COQ8B: variants seen among roughly 807,000 people sequenced by gnomAD.
COQ8B encodes atypical kinase COQ8B, mitochondrial.
A neutral mutation model predicts 62.0 loss-of-function variants in COQ8B; 44 were observed. The observed-to-expected ratio is 0.71, with a 90% CI of 0.56 to 0.91. COQ8B has a LOEUF of 0.91. Ranked by LOEUF, COQ8B falls within the 40% of genes least tolerant of loss-of-function variation. The pLI, the probability that COQ8B is intolerant of heterozygous loss-of-function variation, is 0.00. For missense variants in COQ8B, 649 were observed against 731.6 expected (o/e 0.89, Z 1.30); for synonymous variants, 252 against 289.9 (o/e 0.87, Z 1.33).
At chr19:40,700,217 T>C (rs1321445008) in intron 11 of COQ8B, 43 bp from the exon 12 acceptor site, 3 of 1,613,460 alleles carry the variant, frequency 1.9e-6, no homozygotes, top group African/African-American at 1.3e-5. Context: ...GTGATCTCCC[T>C]TGTGGTGCCA....
intron 4 of COQ8B, among the ~76,000 whole-genome samples, chr19:40,711,717 T>C (rs564886392): frequency 2.6e-5 from 4 of 152,228 alleles, no homozygotes; most frequent in Non-Finnish European, 5.9e-5. Flanking sequence ...CTCTGTCAAT[T>C]ACCATATCTG....
rs1413757922 is a variant in COQ8B at position 40,714,048 on chromosome 19, C to T, written c.289+19G>A. The T allele has an allele frequency of 7.4e-6, 12 of 1,613,918 alleles. 1 individual carries two copies. In the Middle Eastern group the frequency reaches 6.6e-4, roughly 89 times the overall value. ...TTTCTAATTGAGGTCACACCAAGAT[C>T]CCCCAAAGTCACACCTACCCCCAAA... is the stretch of plus-strand genomic sequence containing the variant. On this transcript the variant is annotated intron_variant, in intron 4 of 14. Transcript: ENST00000324464.
chr19:40,694,480 C>T (rs181552262), intron 13 of COQ8B, among the ~76,000 whole-genome samples: 77 of 152,348 alleles, frequency 5.1e-4, no homozygotes, highest in African/African-American at 1.8e-3. Context: ...TGCTGCCCCC[C>T]GACCTGCCCT....
chr19:40,702,729 G>A (rs763442654), intron 9 of COQ8B, 36 bp from the exon 10 acceptor site: 16 of 1,592,238 alleles, frequency 1.0e-5, no homozygotes, highest in East Asian at 6.7e-5. Flanking sequence ...GAAGGGCCCC[G>A]AGCGCCCACT....
intron 4 of COQ8B, among the ~76,000 whole-genome samples, chr19:40,712,834 C>T (rs1256788875): frequency 6.6e-6 from 1 of 152,226 alleles, no homozygotes; most frequent in African/African-American, 2.4e-5. Flanking sequence ...TTGTTAGCCT[C>T]AATGTCCTCA....
In COQ8B at chr19:40,705,138, C is replaced by T. The variant is rs139167042; in HGVS notation, c.534G>A (p.Arg178=). ...GCATGAAGTCGGCGCTCTGGCGGAC[C>T]CGCTCAAAGATGTGCTGCAGCTGAG... ...ISPQLQHIFE[R]VRQSADFMPR... Residue 178 remains arginine, a synonymous_variant, in exon 7 of 15, where the codon CGG becomes CGA. Transcript: ENST00000324464. 1.0e-4 allele frequency: 167 copies of T among 1,613,110 alleles called. No individual in the cohort carries two copies. In the African/African-American group the frequency reaches 2.0e-3, roughly 19 times the overall value.
chr19:40,713,873 T>C (rs1384773720), intron 4 of COQ8B, among the ~76,000 whole-genome samples, 194 bp downstream of exon 4: 5 of 150,238 alleles, frequency 3.3e-5, no homozygotes, highest in Admixed American at 1.3e-4. Flanking sequence ...TGAGACTCTG[T>C]CTCAAAAAAA....
intron 13 of COQ8B, 21 bp downstream of exon 13, chr19:40,695,968 T>C (rs754646727): frequency 2.5e-6 from 4 of 1,613,634 alleles, no homozygotes; most frequent in Non-Finnish European, 3.4e-6. Flanking sequence ...TCAGAGGCCC[T>C]GGGGTCTGGG....
chr19:40,711,260 C>A (rs1285100030), intron 4 of COQ8B, among the ~76,000 whole-genome samples: 1 of 152,112 alleles, frequency 6.6e-6, no homozygotes, highest in Non-Finnish European at 1.5e-5. Context: ...GAGACAGGGT[C>A]TCACTCTGTC....
chr19:40,703,221 G>A, intron 9 of COQ8B: 1 of 345,552 alleles, frequency 2.9e-6, no homozygotes, highest in South Asian at 4.9e-5. Context: ...CTCCTCACGT[G>A]CCATCCCCAG....
At chr19:40,705,242 A>C in intron 6 of COQ8B, 61 bp from the exon 7 acceptor site, 1 of 1,595,344 alleles carries the variant, frequency 6.3e-7, no homozygotes, top group Non-Finnish European at 8.6e-7. Context: ...ACCCCGTGTG[A>C]GTATCTGAAG....
intron 12 of COQ8B, among the ~76,000 whole-genome samples, chr19:40,699,774 G>A (rs1435000918): frequency 6.6e-6 from 1 of 152,220 alleles, no homozygotes; most frequent in East Asian, 1.9e-4. Flanking sequence ...GCCCCAGGAT[G>A]AGCTTAGTGT....
intron 12 of COQ8B, 90 bp from the exon 13 acceptor site, chr19:40,696,144 T>A (rs1599926596): frequency 7.1e-7 from 1 of 1,399,902 alleles, no homozygotes; most frequent in East Asian, 2.3e-5. Flanking sequence ...TCCCTCCCCA[T>A]GACCCTGCCT....
chr19:40,692,364 C>G lies in COQ8B; in HGVS notation c.1306G>C (p.Asp436His). 6.2e-7 allele frequency: 1 copy of G among 1,613,118 alleles called. No homozygotes were observed. Among genetic ancestry groups the G allele is most frequent in the Non-Finnish European group, 8.5e-7 (1 of 1,179,756 alleles). ...LTGFETKAFSDAHVEAVMILG... is the reference protein window; with the variant it reads ...LTGFETKAFSHAHVEAVMILG... ...ATCATCACTGCCTCCACGTGGGCGT[C>G]GGAGAATGCCTGGGAGTGGGGGTGG... The change falls in exon 15 of 15, where the codon GAC becomes CAC. Residue 436 changes from aspartate to histidine, a missense_variant. Coordinates refer to ENST00000324464, the MANE Select transcript of COQ8B (RefSeq NM_024876.4).
At chr19:40,705,697 A>G (rs1225070566) in intron 5 of COQ8B, among the ~76,000 whole-genome samples, 1 of 152,164 alleles carries the variant, frequency 6.6e-6, no homozygotes, top group African/African-American at 2.4e-5. Flanking sequence ...TAATCCCAAC[A>G]CTGGGAGGTC....
chr19:40,696,147 C>A, intron 12 of COQ8B, 93 bp from the exon 13 acceptor site: 4 of 1,396,184 alleles, frequency 2.9e-6, no homozygotes, highest in Admixed American at 1.7e-5. Flanking sequence ...CTCCCCATGA[C>A]CCTGCCTGCT....
In COQ8B at chr19:40,692,246, C is replaced by T. The variant is rs371633001; in HGVS notation, c.1424G>A (p.Arg475Gln). The change falls in exon 15 of 15, where the codon CGG becomes CAG. Residue 475 changes from arginine to glutamine, a missense_variant. Transcript: ENST00000324464. ...RIQDLIPVLLRHRLCPPPEET... is the reference protein window; with the variant it reads ...RIQDLIPVLLQHRLCPPPEET... ...CTCGGGTGGGGGACACAGCCGGTGC[C>T]GCAGCAGCACCGGGATGAGGTCCTG... 3.7e-6 allele frequency: 6 copies of T among 1,612,004 alleles called. No individual in the cohort carries two copies. Among genetic ancestry groups the T allele is most frequent in the African/African-American group, 1.3e-5 (1 of 74,812 alleles).
chr19:40,697,876 A>AGAGAGAGAGAGAGT (rs1316282364), intron 12 of COQ8B, among the ~76,000 whole-genome samples: 1 of 71,236 alleles, frequency 1.4e-5, no homozygotes, highest in Non-Finnish European at 3.3e-5. Flanking sequence ...AGAGAGAGAG[A>AGAGAGAGAGAGAGT]GTTTCTACTG....
Position 40,700,466 on chromosome 19 carries a change from A to G in COQ8B, c.894-15T>C. On this transcript the variant is annotated splice_polypyrimidine_tract_variant and intron_variant, in intron 10 of 14. Coordinates refer to ENST00000324464, the MANE Select transcript of COQ8B (RefSeq NM_024876.4). Reference sequence around the variant, plus strand: ...CCAGCAGCTGCCTGGGGCAGAAGGAAAGGGAGGAAGGGGACTTCGTGCTTC... The same window carrying G: ...CCAGCAGCTGCCTGGGGCAGAAGGAGAGGGAGGAAGGGGACTTCGTGCTTC... The G allele has an allele frequency of 6.2e-7, 1 of 1,610,670 alleles. No individual in the cohort carries two copies. The highest frequency in any genetic ancestry group is 8.5e-7 in the Non-Finnish European group (1 of 1,178,600).
Sources: gnomAD v4.1 joint callset for allele counts (sites outside exome capture counted in the v4.1 genomes callset) on GRCh38, gnomAD v4.1.1 for gene constraint, MANE v1.5 for transcripts, NCBI Gene and HGNC (gene_info 2026-07-23, HGNC 2026-07-21) for gene names.